KIFAP3: variants seen among roughly 807,000 people sequenced by gnomAD.
KIFAP3 encodes kinesin associated protein 3.
Under a neutral mutation model 106.5 loss-of-function variants are expected in KIFAP3, and 68 were observed. The observed-to-expected ratio is 0.64, with a 90% CI of 0.53 to 0.78. The LOEUF (loss-of-function observed/expected upper bound fraction) is 0.78, where lower values mean the gene tolerates loss of function less well. KIFAP3 is among the 30% of genes least tolerant of loss of function. KIFAP3 has a pLI of 0.00. For synonymous variants in KIFAP3, 320 were observed against 311.5 expected, an observed-to-expected ratio of 1.03 and a Z score of -0.29; for missense variants, 780 against 941.8, an observed-to-expected ratio of 0.83 and a Z score of 2.25.
intron 10 of KIFAP3, among the ~76,000 whole-genome samples, chr1:170,009,186 T>C (rs1485233667): frequency 6.6e-6 from 1 of 152,236 alleles, no homozygotes; most frequent in East Asian, 1.9e-4. Context: ...CAAACCACCA[T>C]GGCACATGTA....
intron 1 of KIFAP3, among the ~76,000 whole-genome samples, chr1:170,079,832 C>T (rs1262675415): frequency 6.6e-6 from 1 of 151,450 alleles, no homozygotes; most frequent in East Asian, 1.9e-4. Context: ...ATAGAGATAG[C>T]ATTGAATATG....
At chr1:170,058,154 A>G (rs995141251) in intron 1 of KIFAP3, among the ~76,000 whole-genome samples, 17 of 152,204 alleles carry the variant, frequency 1.1e-4, no homozygotes, top group South Asian at 2.1e-4. Flanking sequence ...TAAGAAAGAT[A>G]ATAAATGCTG....
chr1:169,934,524 C>T (rs1032110329), intron 19 of KIFAP3, among the ~76,000 whole-genome samples: 1 of 152,108 alleles, frequency 6.6e-6, no homozygotes, highest in Non-Finnish European at 1.5e-5. Flanking sequence ...CCACATTGTA[C>T]GCATTCCTAT....
chr1:169,989,852 G>A (rs1667012740), intron 11 of KIFAP3, among the ~76,000 whole-genome samples: 1 of 151,998 alleles, frequency 6.6e-6, no homozygotes, highest in South Asian at 2.1e-4. Flanking sequence ...AATTTGGAAT[G>A]AATGAAAGAA....
intron 10 of KIFAP3, among the ~76,000 whole-genome samples, chr1:169,997,897 TAA>T (rs11297527): frequency 1.2e-3 from 155 of 130,170 alleles, no homozygotes; most frequent in Admixed American, 4.5e-3. Flanking sequence ...AAAAAAAGGA[TAA>T]AAAAAAAAAA....
At chr1:170,081,150 T>A (rs1241228326) in intron 1 of KIFAP3, among the ~76,000 whole-genome samples, 1 of 152,104 alleles carries the variant, frequency 6.6e-6, no homozygotes, top group Non-Finnish European at 1.5e-5. Context: ...TAAATCTATA[T>A]GACAAAATAA....
chr1:170,042,648 T>C (rs1440068386), intron 3 of KIFAP3, among the ~76,000 whole-genome samples: 1 of 152,238 alleles, frequency 6.6e-6, no homozygotes, highest in African/African-American at 2.4e-5. Flanking sequence ...TTTTATGTCC[T>C]TGAAAACTTG....
Position 170,073,707 on chromosome 1 carries a change from C to CT in KIFAP3, c.32+728dup, listed in dbSNP as rs533948925. On this transcript the variant is annotated intron_variant, in intron 1 of 19. Transcript: ENST00000361580. ...TTACTCTTGGTTCAGTGGGAGGTAT[C>CT]TTTTTTTTTTTCCAAATCAGGAATG... Among the ~76,000 whole-genome samples the CT allele has an allele frequency of 2.5e-3, 368 of 146,942 alleles. 1 individual carries two copies. Among genetic ancestry groups the CT allele is most frequent in the African/African-American group, 7.7e-3 (311 of 40,344 alleles).
At chr1:170,079,863 G>C (rs1301002797) in intron 1 of KIFAP3, among the ~76,000 whole-genome samples, 2 of 151,212 alleles carry the variant, frequency 1.3e-5, no homozygotes, top group East Asian at 3.9e-4. Flanking sequence ...TGGCTAGTAT[G>C]GATTTTTTTT....
rs147112695 is a variant in KIFAP3 at position 169,987,948 on chromosome 1, C to T, written c.1285-3258G>A. Among the ~76,000 whole-genome samples, 331 of 152,142 alleles carry T rather than the reference C, an allele frequency of 2.2e-3. 1 individual carries two copies. The highest frequency in any genetic ancestry group is 3.2e-3 in the Non-Finnish European group (216 of 67,976). On this transcript the variant is annotated intron_variant, in intron 11 of 19. Coordinates refer to ENST00000361580, the MANE Select transcript of KIFAP3 (RefSeq NM_014970.4). ...AATACAACCATTAACTCCCGCTTAT[C>T]CTCAAGTATGCCTACCTGAAACAAT... is the stretch of plus-strand genomic sequence containing the variant.
chr1:169,972,505 T>C lies in KIFAP3; in HGVS notation c.1983+8A>G, dbSNP rs751842899. Reference sequence around the variant, plus strand: ...ATTATACTTTGTGTAGAAAAAATAATTACTTACCGCTATAATATCTAATGT... The same window carrying C: ...ATTATACTTTGTGTAGAAAAAATAACTACTTACCGCTATAATATCTAATGT... On this transcript the variant is annotated splice_region_variant and intron_variant, in intron 17 of 19. Transcript: ENST00000361580. 1.6e-6 allele frequency: 2 copies of C among 1,273,764 alleles called. No individual in the cohort carries two copies. The highest frequency in any genetic ancestry group is 2.3e-6 in the Non-Finnish European group (2 of 881,338). The allele number at this position is 1,273,764 out of a possible 1,614,324, so 78.9% of individuals were successfully genotyped here. A position where few individuals can be genotyped will look rare whatever the true frequency, so the allele number is the denominator to read the frequency against.
At chr1:169,928,044 T>TAC (rs1299183857) in intron 19 of KIFAP3, among the ~76,000 whole-genome samples, 2 of 152,026 alleles carry the variant, frequency 1.3e-5, no homozygotes, top group African/African-American at 4.8e-5. Flanking sequence ...TACAGAGGGG[T>TAC]ACTGGCAGAA....
intron 19 of KIFAP3, among the ~76,000 whole-genome samples, chr1:169,941,685 C>T (rs1295179398): frequency 1.3e-5 from 2 of 152,070 alleles, no homozygotes; most frequent in African/African-American, 4.8e-5. Context: ...CAATGACTAT[C>T]ACCCAAGATG....
chr1:169,972,325 C>T (rs985756583), intron 17 of KIFAP3, among the ~76,000 whole-genome samples, 188 bp downstream of exon 17: 5 of 151,948 alleles, frequency 3.3e-5, no homozygotes, highest in African/African-American at 1.2e-4. Context: ...GAGCCGATGA[C>T]TTAAAAATTG....
chr1:169,955,733 ATCTG>A (rs1044131309), intron 18 of KIFAP3, among the ~76,000 whole-genome samples: 1 of 152,170 alleles, frequency 6.6e-6, no homozygotes, highest in African/African-American at 2.4e-5. Context: ...CACCTTTGGT[ATCTG>A]TCCTATTACT....
At chr1:169,967,598 A>C (rs1665693050) in intron 17 of KIFAP3, among the ~76,000 whole-genome samples, 1 of 151,850 alleles carries the variant, frequency 6.6e-6, no homozygotes, top group African/African-American at 2.4e-5. Flanking sequence ...AAGGTATTCT[A>C]ATCTCTCTTG....
chr1:170,005,589 C>G (rs1293714113), intron 10 of KIFAP3, among the ~76,000 whole-genome samples: 3 of 151,192 alleles, frequency 2.0e-5, no homozygotes, highest in African/African-American at 7.3e-5. Flanking sequence ...CCATCATTCT[C>G]ACCAAACTAT....
chr1:169,990,129 A>G (rs1667023599), intron 11 of KIFAP3: 5 of 1,497,932 alleles, frequency 3.3e-6, no homozygotes, highest in Non-Finnish European at 3.6e-6. Context: ...TTCTCCAATC[A>G]GTGCATATTT....
At position 169,961,074 on chromosome 1, in the gene KIFAP3, G is replaced by A. The variant is rs778326660; in HGVS notation, c.2145C>T (p.Leu715=). 5.0e-6 allele frequency: 8 copies of A among 1,611,740 alleles called. No individual in the cohort carries two copies. Among genetic ancestry groups the A allele is most frequent in the East Asian group, 2.2e-5 (1 of 44,762 alleles). The change falls in exon 18 of 20, where the codon CTC becomes CTT. Residue 715 remains leucine (L), a synonymous_variant. Transcript: ENST00000361580. ...AGTTGTAGAAAAGGTCAGGTCTTTC[G>A]AGAATATCTCCTTCATGAATGTATG... ...IEPYIHEGDI[L]ERPDLFYNSD... is the part of the protein sequence containing the mutation.
Sources: gnomAD v4.1 joint callset for allele counts (sites outside exome capture counted in the v4.1 genomes callset) on GRCh38, gnomAD v4.1.1 for gene constraint, MANE v1.5 for transcripts, NCBI Gene and HGNC (gene_info 2026-07-23, HGNC 2026-07-21) for gene names.